The following UBA3 variants were observed in gnomAD, a reference collection of about 807,000 sequenced individuals.
UBA3 encodes ubiquitin like modifier activating enzyme 3, also known as NEDD8-activating enzyme E1 catalytic subunit.
UBA3 carries 26 observed loss-of-function variants against 73.5 expected under a neutral mutation model. That is an observed-to-expected ratio of 0.35 (90% CI 0.26 to 0.49). UBA3 has a LOEUF of 0.49. Ranked by LOEUF, UBA3 falls within the 20% of genes least tolerant of loss-of-function variation. The pLI, the probability that UBA3 is intolerant of heterozygous loss-of-function variation, is 0.98. For synonymous variants in UBA3, 217 were observed against 191.2 expected (o/e 1.13, Z -1.11); for missense variants, 495 against 555.6 (o/e 0.89, Z 1.10).
At chr3:69,065,348 A>C (rs557397867) in intron 6 of UBA3, among the ~76,000 whole-genome samples, 2 of 152,126 alleles carry the variant, frequency 1.3e-5, no homozygotes, top group Non-Finnish European at 2.9e-5. Flanking sequence ...TAGTATAGGT[A>C]GGTACCATGC....
At chr3:69,066,099 A>C (rs2872689) in intron 6 of UBA3, among the ~76,000 whole-genome samples, 8 of 152,028 alleles carry the variant, frequency 5.3e-5, no homozygotes, top group African/African-American at 1.4e-4. Context: ...CAAGTTTTTA[A>C]TTTTGATGAA....
intron 9 of UBA3, 66 bp downstream of exon 9, chr3:69,062,916 T>C: frequency 6.4e-7 from 1 of 1,568,138 alleles, no homozygotes; most frequent in Non-Finnish European, 8.7e-7. Context: ...TTAACTAGAC[T>C]TAATAATTAA....
chr3:69,077,509 T>C lies in UBA3; in HGVS notation c.183+289A>G, dbSNP rs72924826. 2.5e-3 allele frequency: 652 copies of C among 261,872 alleles called. 6 individuals are homozygous for C. Among genetic ancestry groups the C allele is most frequent in the African/African-American group, 0.014 (614 of 44,010 alleles). The allele number at this position is 261,872 out of a possible 1,614,324, so 16.2% of individuals were successfully genotyped here. A position where few individuals can be genotyped will look rare whatever the true frequency, so the allele number is the denominator to read the frequency against. On this transcript the variant is annotated intron_variant, in intron 3 of 17. Transcript: ENST00000361055. ...CAAAATTAATTTCTCACAGTAGCAC[T>C]ACAAAAGGGGAGTATGTTTCAGAAA...
chr3:69,055,663 T>A, intron 17 of UBA3, 138 bp from the exon 18 acceptor site: 1 of 892,440 alleles, frequency 1.1e-6, no homozygotes, highest in Non-Finnish European at 1.7e-6. Context: ...TAATATTTGA[T>A]TTCTTAGAGA....
chr3:69,079,794 T>G, intron 2 of UBA3: 1 of 392,474 alleles, frequency 2.5e-6, no homozygotes, highest in East Asian at 4.8e-5. Flanking sequence ...ACAGGGTCAC[T>G]GCTCTGACAA....
chr3:69,080,233 CG>C (rs1559649514), intron 1 of UBA3, 80 bp from the exon 2 acceptor site: 13 of 557,238 alleles, frequency 2.3e-5, no homozygotes, highest in Non-Finnish European at 3.4e-5. Flanking sequence ...GGGGACGGGG[CG>C]GGGGGTGTGG....
intron 3 of UBA3, 79 bp from the exon 4 acceptor site, chr3:69,075,589 G>T: frequency 1.3e-6 from 1 of 759,800 alleles, no homozygotes; most frequent in Non-Finnish European, 1.9e-6. Flanking sequence ...CTTTAAAATA[G>T]TTTCTGATGT....
At chr3:69,061,662 C>A in intron 11 of UBA3, 152 bp downstream of exon 11, 1 of 494,712 alleles carries the variant, frequency 2.0e-6, no homozygotes, top group Non-Finnish European at 3.6e-6. Flanking sequence ...TATTAAATTC[C>A]CCCTAGCTAA....
At chr3:69,061,599 G>T in intron 11 of UBA3, 1 of 430,706 alleles carries the variant, frequency 2.3e-6, no homozygotes, top group Non-Finnish European at 4.1e-6. Flanking sequence ...AAGATAAAAT[G>T]GACAGTTTGA....
At chr3:69,062,013 A>G (rs2092026194) in intron 10 of UBA3, 64 bp downstream of exon 10, 1 of 1,428,158 alleles carries the variant, frequency 7.0e-7, no homozygotes, top group Non-Finnish European at 9.7e-7. Context: ...AAATTATCCA[A>G]AGGAATAATA....
At chr3:69,075,343 C>T (rs928191533) in intron 4 of UBA3, 87 bp downstream of exon 4, 4 of 580,860 alleles carry the variant, frequency 6.9e-6, no homozygotes, top group East Asian at 5.0e-5. Flanking sequence ...TTAAGAATCA[C>T]GAGAAATTCC....
intron 11 of UBA3, among the ~76,000 whole-genome samples, chr3:69,058,180 C>T (rs1003940780): frequency 2.4e-4 from 37 of 152,138 alleles, no homozygotes; most frequent in African/African-American, 6.5e-4. Context: ...TCCGCCCGCC[C>T]TGGCCTCCCA....
At chr3:69,062,038 A>G in intron 10 of UBA3, 39 bp downstream of exon 10, 1 of 1,477,964 alleles carries the variant, frequency 6.8e-7, no homozygotes, top group Non-Finnish European at 9.3e-7. Context: ...AAAAATATGT[A>G]TTTTATGTAA....
Position 69,061,649 on chromosome 3 carries a change from T to G in UBA3, c.910+165A>C, listed in dbSNP as rs564269426. 4.0e-5 allele frequency: 20 copies of G among 497,764 alleles called. No homozygotes were observed. The South Asian group carries it at 7.3e-4, about 18-fold the overall frequency. 30.8% of individuals were successfully genotyped at this position (497,764 alleles called of 1,614,324 possible). A position where few individuals can be genotyped will look rare whatever the true frequency, so the allele number is the denominator to read the frequency against. Reference sequence around the variant, plus strand: ...AGCCTAAGTAAGTAAGATTCAATAATTTTATTAAATTCCCCCTAGCTAATA... The same window carrying G: ...AGCCTAAGTAAGTAAGATTCAATAAGTTTATTAAATTCCCCCTAGCTAATA... On this transcript the variant is annotated intron_variant, in intron 11 of 17. Transcript: ENST00000361055.
intron 4 of UBA3, among the ~76,000 whole-genome samples, chr3:69,074,762 C>A (rs1264967186): frequency 1.3e-5 from 2 of 152,062 alleles, no homozygotes; most frequent in African/African-American, 4.8e-5. Flanking sequence ...TCAAGGAAAC[C>A]AATTAATTAA....
intron 7 of UBA3, 82 bp from the exon 8 acceptor site, chr3:69,063,585 A>C: frequency 9.0e-7 from 1 of 1,114,148 alleles, no homozygotes; most frequent in Non-Finnish European, 1.3e-6. Flanking sequence ...ATCAACTGCA[A>C]CAAATGTACC....
At chr3:69,057,033 A>G (rs1001022104) in intron 12 of UBA3, among the ~76,000 whole-genome samples, 11 of 152,208 alleles carry the variant, frequency 7.2e-5, no homozygotes, top group Admixed American at 7.2e-4. Context: ...AGATTAATAA[A>G]TGGCCTGCTT....
At chr3:69,080,238 G>A (rs1213384945) in intron 1 of UBA3, 85 bp from the exon 2 acceptor site, 4 of 1,525,644 alleles carry the variant, frequency 2.6e-6, no homozygotes, top group South Asian at 1.2e-5. Flanking sequence ...CGGGGCGGGG[G>A]GTGTGGGGAC....
intron 11 of UBA3, among the ~76,000 whole-genome samples, chr3:69,059,974 C>G (rs2092008530): frequency 6.6e-6 from 1 of 152,068 alleles, no homozygotes. Flanking sequence ...AGTAGAGGAT[C>G]TGGAAAGGTT....
Sources: allele counts gnomAD v4.1 joint callset (sites outside exome capture counted in the v4.1 genomes callset), GRCh38; gene constraint gnomAD v4.1.1; transcripts MANE v1.5; gene names NCBI Gene and HGNC (gene_info 2026-07-23, HGNC 2026-07-21).